Variants in SOS2 observed in about 807,000 individuals in gnomAD.
The protein encoded by SOS2 is SOS Ras/Rho guanine nucleotide exchange factor 2, also known as son of sevenless homolog 2.
A neutral mutation model predicts 148.2 loss-of-function variants in SOS2; 65 were observed. The observed-to-expected ratio is 0.44, with a 90% CI of 0.36 to 0.54. SOS2 has a LOEUF of 0.54. SOS2 is among the 20% of genes least tolerant of loss of function. The pLI is 0.00. For synonymous variants in SOS2, 539 were observed against 537.1 expected (o/e 1.00, Z -0.05); for missense variants, 1,341 against 1,590.2 (o/e 0.84, Z 2.67).
intron 16 of SOS2, among the ~76,000 whole-genome samples, chr14:50,144,307 T>C (rs1884389890): frequency 6.6e-6 from 1 of 152,070 alleles, no homozygotes; most frequent in Non-Finnish European, 1.5e-5. Flanking sequence ...AAAAGGGCCA[T>C]AAAAATCTAT....
chr14:50,191,308 T>TA lies in SOS2; in HGVS notation c.511-2609dup, dbSNP rs113065253. ...AGCAAGATTCTATCTCTACCAAAAG[T>TA]AAAAAAAAATAATAACCAGGTATGC... On this transcript the variant is annotated intron_variant, in intron 4 of 22. Coordinates refer to ENST00000216373, the MANE Select transcript of SOS2 (RefSeq NM_006939.4). Among the ~76,000 whole-genome samples the TA allele has an allele frequency of 9.6e-3, 1,449 of 150,806 alleles. 16 individuals are homozygous for TA. The highest frequency in any genetic ancestry group is 0.031 in the African/African-American group (1,284 of 41,076).
intron 21 of SOS2, among the ~76,000 whole-genome samples, 182 bp from the exon 22 acceptor site, chr14:50,120,566 G>A (rs1312320005): frequency 1.3e-5 from 2 of 151,952 alleles, no homozygotes; most frequent in Non-Finnish European, 2.9e-5. Context: ...TGTGTCTCTA[G>A]CACCAACCAT....
chr14:50,138,200 A>C (rs917881621), intron 18 of SOS2, among the ~76,000 whole-genome samples: 2 of 151,866 alleles, frequency 1.3e-5, no homozygotes, highest in Admixed American at 1.3e-4. Flanking sequence ...TGTGTCACCC[A>C]GGCTGGAGTG....
chr14:50,194,485 T>C (rs1212893623), intron 4 of SOS2, among the ~76,000 whole-genome samples: 1 of 132,828 alleles, frequency 7.5e-6, no homozygotes, highest in Non-Finnish European at 1.6e-5. Flanking sequence ...TTTTTTAAGA[T>C]GGAGTATTGG....
intron 18 of SOS2, among the ~76,000 whole-genome samples, chr14:50,138,185 C>G (rs561501175): frequency 2.9e-4 from 44 of 151,490 alleles, no homozygotes; most frequent in African/African-American, 1.0e-3. Context: ...AGACAGAAGT[C>G]TTACTGTGTC....
At chr14:50,216,880 C>T (rs961742934) in intron 1 of SOS2, among the ~76,000 whole-genome samples, 1 of 152,126 alleles carries the variant, frequency 6.6e-6, no homozygotes, top group East Asian at 1.9e-4. Context: ...GATGTCAATT[C>T]CTCCCAAATG....
chr14:50,157,996 T>C (rs373837650), intron 11 of SOS2, among the ~76,000 whole-genome samples: 6 of 152,246 alleles, frequency 3.9e-5, no homozygotes, highest in East Asian at 1.9e-4. Flanking sequence ...TAGAGATACA[T>C]AGAAAAATAT....
At position 50,138,675 on chromosome 14, in the gene SOS2, A is replaced by G; in HGVS notation, c.2895T>C (p.Ile965=). The G allele has an allele frequency of 6.3e-7, 1 of 1,575,012 alleles. No homozygotes were observed. Among genetic ancestry groups the G allele is most frequent in the Non-Finnish European group, 8.7e-7 (1 of 1,154,742 alleles). The part of the protein sequence containing the change: ...NFSKRRKVAE[I]TGEIQQYQNQ... ...TCTGATACTGCTGAATTTCTCCAGT[A>G]ATTTCAGCTACTTTCCTCCTCTTAC... is the stretch of plus-strand genomic sequence containing the variant. The change falls in exon 18 of 23, where the codon ATT becomes ATC. Residue 965 remains isoleucine, a synonymous_variant. Transcript: ENST00000216373.
At chr14:50,185,206 C>A (rs1380293152) in intron 5 of SOS2, among the ~76,000 whole-genome samples, 1 of 152,092 alleles carries the variant, frequency 6.6e-6, no homozygotes, top group Non-Finnish European at 1.5e-5. Flanking sequence ...TCAATTGGCG[C>A]CTGAAGTGTG....
intron 21 of SOS2, among the ~76,000 whole-genome samples, chr14:50,126,911 G>GA (rs5808536): frequency 0.53 from 80,110 of 149,944 alleles, 22,403 homozygotes; most frequent in East Asian, 0.69. Context: ...ATGACAAAAT[G>GA]AAAAAAAAAA....
chr14:50,147,535 A>G (rs1480424158), intron 14 of SOS2, among the ~76,000 whole-genome samples: 3 of 128,904 alleles, frequency 2.3e-5, no homozygotes, highest in Non-Finnish European at 5.0e-5. Flanking sequence ...AAAAAAAAAA[A>G]GTGTACAACA....
chr14:50,156,510 T>C (rs1030676392), intron 12 of SOS2: 3 of 152,250 alleles, frequency 2.0e-5, no homozygotes, highest in Non-Finnish European at 2.9e-5. Flanking sequence ...TTAGAAATTA[T>C]TGCAATTAAA....
chr14:50,212,580 A>G (rs964053222), intron 1 of SOS2, among the ~76,000 whole-genome samples: 3 of 152,256 alleles, frequency 2.0e-5, no homozygotes, highest in African/African-American at 4.8e-5. Flanking sequence ...TGAGTGTTAA[A>G]TAGGTGTTCC....
chr14:50,201,771 T>C (rs549459913), intron 2 of SOS2, among the ~76,000 whole-genome samples: 2 of 152,130 alleles, frequency 1.3e-5, no homozygotes, highest in Non-Finnish European at 2.9e-5. Flanking sequence ...AGAGCAGAAA[T>C]TGTTCATTCA....
At chr14:50,121,539 G>T (rs1883513025) in intron 21 of SOS2, among the ~76,000 whole-genome samples, 1 of 114,766 alleles carries the variant, frequency 8.7e-6, no homozygotes, top group Non-Finnish European at 1.7e-5. Flanking sequence ...GGAGGGGGGG[G>T]AGTCCTGTTG....
intron 4 of SOS2, among the ~76,000 whole-genome samples, chr14:50,192,558 A>C (rs753260457): frequency 1.3e-5 from 2 of 151,916 alleles, no homozygotes; most frequent in South Asian, 4.2e-4. Context: ...CTTGTCTTTA[A>C]AAAAAAACAA....
chr14:50,158,416 T>C, intron 11 of SOS2, 149 bp downstream of exon 11: 1 of 527,896 alleles, frequency 1.9e-6, no homozygotes, highest in Non-Finnish European at 3.4e-6. Context: ...GAGTACTCCA[T>C]TTGAAGAGAA....
chr14:50,207,471 A>G (rs1371453361), intron 1 of SOS2, among the ~76,000 whole-genome samples: 1 of 152,154 alleles, frequency 6.6e-6, no homozygotes, highest in Non-Finnish European at 1.5e-5. Context: ...TGATGGTGCC[A>G]CTGCGCTCCA....
intron 1 of SOS2, chr14:50,230,804 C>T: frequency 1.4e-6 from 1 of 739,712 alleles, no homozygotes; most frequent in Non-Finnish European, 1.7e-6. Context: ...CTAGGGGGAA[C>T]ACTCCCAAAG....
Sources: allele counts gnomAD v4.1 joint callset (sites outside exome capture counted in the v4.1 genomes callset), GRCh38; gene constraint gnomAD v4.1.1; transcripts MANE v1.5; gene names NCBI Gene and HGNC (gene_info 2026-07-23, HGNC 2026-07-21).